KLK7: variants seen among roughly 807,000 people sequenced by gnomAD.
KLK7 encodes kallikrein related peptidase 7, also known as kallikrein-7.
In KLK7, 17 loss-of-function variants were observed where a neutral mutation model predicts 21.0. The ratio of observed to expected loss-of-function variants is 0.81; its 90% confidence interval spans 0.55 to 1.21. The LOEUF (loss-of-function observed/expected upper bound fraction) is 1.21, where lower values mean the gene tolerates loss of function less well. Among genes scored for constraint, KLK7 ranks in the 50% most tolerant of loss-of-function variants. KLK7 has a pLI of 0.00. For synonymous variants in KLK7, 151 were observed against 134.6 expected (o/e 1.12, Z -0.85); for missense variants, 330 against 322.8 (o/e 1.02, Z -0.17).
At chr19:50,983,932 C>T (rs1307224859), upstream of KLK7, 12 of 1,288,694 alleles carry the variant, frequency 9.3e-6, no homozygotes, top group Non-Finnish European at 1.2e-5. Context: ...CTCTGCTGGG[C>T]CGTCCTCTTA....
At position 50,981,924 on chromosome 19, in the gene KLK7, G is replaced by A. The variant is rs1361889501; in HGVS notation, c.74-10C>T. ...ATCTTGTCACCCTGGGCTGGATGGA[G>A]ACATGGAGGAGCACGTGGGTAGCTA... On this transcript the variant is annotated splice_polypyrimidine_tract_variant and intron_variant, in intron 2 of 5. Coordinates refer to ENST00000595820, the MANE Select transcript of KLK7 (RefSeq NM_005046.4). The A allele has an allele frequency of 6.2e-7, 1 of 1,612,330 alleles. No individual in the cohort carries two copies. Among genetic ancestry groups the A allele is most frequent in the East Asian group, 2.2e-5 (1 of 44,874 alleles).
At chr19:50,979,424 A>G (rs997725359) in intron 5 of KLK7, among the ~76,000 whole-genome samples, 10 of 152,202 alleles carry the variant, frequency 6.6e-5, no homozygotes, top group Non-Finnish European at 1.5e-4. Context: ...TCCATCATGG[A>G]CTTCTGCATG....
chr19:50,977,635 C>T lies in KLK7; in HGVS notation c.663G>A (p.Trp221Ter). The T allele has an allele frequency of 6.2e-7, 1 of 1,613,748 alleles. No homozygotes were observed. The highest frequency in any genetic ancestry group is 8.5e-7 in the Non-Finnish European group (1 of 1,179,990). The change falls in exon 6 of 6, where the codon TGG becomes TGA. Residue 221 changes from tryptophan (W) to a stop codon, truncating the protein, a stop_gained. Coordinates refer to ENST00000595820, the MANE Select transcript of KLK7 (RefSeq NM_005046.4). LOFTEE classifies it low-confidence loss of function (END_TRUNC). ...CRGTLQGLVS[W>*]GTFPCGQPND... ...TGGGTTGGCCGCAAGGGAAAGTTCC[C>T]CAGGACACCAGACCTTGCAGGGTAC...
At chr19:50,983,995 C>A, upstream of KLK7, 1 of 1,177,348 alleles carries the variant, frequency 8.5e-7, no homozygotes, top group Non-Finnish European at 1.1e-6. Context: ...CAGGCGGAGC[C>A]GACTCTGGGA....
At chr19:50,982,481 C>G (rs550281157) in intron 1 of KLK7, 24 bp from the exon 2 acceptor site, 1 of 1,531,806 alleles carries the variant, frequency 6.5e-7, no homozygotes, top group South Asian at 1.2e-5. Flanking sequence ...AGCATTCAGG[C>G]CCAGCCCCTC....
chr19:50,979,771 G>A lies in KLK7; in HGVS notation c.606+17C>T. ...GGGTACCCAGGACTGGGGAGGAATTGGGGGGGAGGGTCTCACATTGCAGGC... is the reference window on the plus strand; with the variant it reads ...GGGTACCCAGGACTGGGGAGGAATTAGGGGGGAGGGTCTCACATTGCAGGC... On this transcript the variant is annotated intron_variant, in intron 5 of 5. Coordinates refer to ENST00000595820, the MANE Select transcript of KLK7 (RefSeq NM_005046.4). 6.4e-7 allele frequency: 1 copy of A among 1,559,884 alleles called. No homozygotes were observed. Among genetic ancestry groups the A allele is most frequent in the Non-Finnish European group, 8.7e-7 (1 of 1,150,744 alleles).
chr19:50,980,213 C>T, intron 4 of KLK7, 27 bp downstream of exon 4: 1 of 1,608,482 alleles, frequency 6.2e-7, no homozygotes. Flanking sequence ...CTGGGGCCTG[C>T]ACTCCTGGGT....
chr19:50,980,586 G>T (rs543190871), intron 3 of KLK7, 99 bp from the exon 4 acceptor site: 2 of 1,436,868 alleles, frequency 1.4e-6, no homozygotes, highest in Admixed American at 1.8e-5. Flanking sequence ...CCAGAGAGAG[G>T]AGGGGGGACA....
chr19:50,982,197 C>T, intron 2 of KLK7, 130 bp downstream of exon 2: 2 of 1,241,070 alleles, frequency 1.6e-6, no homozygotes, highest in Middle Eastern at 2.4e-4. Context: ...AGAGCGGGGG[C>T]TTCAGCCGAC....
At chr19:50,979,657 A>T in intron 5 of KLK7, 131 bp downstream of exon 5, 2 of 843,498 alleles carry the variant, frequency 2.4e-6, no homozygotes, top group Non-Finnish European at 3.7e-6. Flanking sequence ...AGGTGGAAAA[A>T]GCTGAGGAGG....
In KLK7 at chr19:50,978,719, TGGG is replaced by T. The variant is rs548987149; in HGVS notation, c.607-1031_607-1029del. ...AAAGAGAGAGAAAGAAAGACAGAGATGGGGGAGCGGCAGGGAGAGGAGAGAGAT... is the reference window on the plus strand; with the variant it reads ...AAAGAGAGAGAAAGAAAGACAGAGATGGAGCGGCAGGGAGAGGAGAGAGAT... On this transcript the variant is annotated intron_variant, in intron 5 of 5. Coordinates refer to ENST00000595820, the MANE Select transcript of KLK7 (RefSeq NM_005046.4). 3.9e-3 allele frequency among the ~76,000 whole-genome samples: 406 copies of T among 103,480 alleles called. 2 individuals are homozygous for T. The highest frequency in any genetic ancestry group is 0.016 in the African/African-American group (395 of 25,116). 67.9% of individuals were successfully genotyped at this position (103,480 alleles called of 152,430 possible).
At chr19:50,977,908 C>A (rs1165357814) in intron 5 of KLK7, among the ~76,000 whole-genome samples, 7 of 152,138 alleles carry the variant, frequency 4.6e-5, no homozygotes, top group Admixed American at 1.3e-4. Context: ...GCCAATGAGA[C>A]CAATTGCAGA....
chr19:50,983,959 A>T, upstream of KLK7: 2 of 1,282,938 alleles, frequency 1.6e-6, no homozygotes, highest in Non-Finnish European at 2.0e-6. Context: ...CCCCCGCCCC[A>T]TGCCCGGCCC....
Position 50,980,295 on chromosome 19 carries a change from T to G in KLK7, c.414A>C (p.Glu138Asp), listed in dbSNP as rs758000982. The G allele has an allele frequency of 1.2e-6, 2 of 1,613,716 alleles. No individual in the cohort carries two copies. Among genetic ancestry groups the G allele is most frequent in the Non-Finnish European group, 1.7e-6 (2 of 1,179,888 alleles). Reference protein sequence around the residue: ...VKKVRLPSRCEPPGTTCTVSG... With the variant: ...VKKVRLPSRCDPPGTTCTVSG... ...AGACAGTACAGGTGGTTCCAGGGGG[T>G]TCGCAGCGGGAGGGCAGCCTGACTT... Residue 138 changes from glutamate to aspartate, a missense_variant, in exon 4 of 6, where the codon GAA (glutamate) becomes GAC (aspartate). Physicochemically the swap from Glu to Asp is conservative, Grantham distance 45. Coordinates refer to ENST00000595820, the MANE Select transcript of KLK7 (RefSeq NM_005046.4).
rs1030960334 is a variant in KLK7 at position 50,976,635 on chromosome 19, G to T, written c.*901C>A. The T allele has an allele frequency of 2.6e-5, 4 of 152,040 alleles. No homozygotes were observed. Among genetic ancestry groups the T allele is most frequent in the African/African-American group, 9.7e-5 (4 of 41,356 alleles). 9.4% of individuals were successfully genotyped at this position (152,040 alleles called of 1,614,324 possible). A position where few individuals can be genotyped will look rare whatever the true frequency, so the allele number is the denominator to read the frequency against. ...TGAATATTTCATTTTTTATGGGTAG[G>T]GTCACATACATATATATTTTTGTCC... is the stretch of plus-strand genomic sequence containing the variant. On this transcript the variant is annotated 3_prime_UTR_variant, in exon 6 of 6. Transcript: ENST00000595820.
rs111212212 is a variant in KLK7 at position 50,981,064 on chromosome 19, G to A, written c.222-577C>T. Among the ~76,000 whole-genome samples the A allele has an allele frequency of 2.2e-3, 320 of 146,898 alleles. 1 individual carries two copies. The highest frequency in any genetic ancestry group is 7.7e-3 in the African/African-American group (296 of 38,588). ...GGGGGAACAGAGACCAGAGAGAGAGGGGAACAGAGACCCAGAGAGAGAGGG... is the reference window on the plus strand; with the variant it reads ...GGGGGAACAGAGACCAGAGAGAGAGAGGAACAGAGACCCAGAGAGAGAGGG... On this transcript the variant is annotated intron_variant, in intron 3 of 5. Coordinates refer to ENST00000595820, the MANE Select transcript of KLK7 (RefSeq NM_005046.4).
intron 3 of KLK7, among the ~76,000 whole-genome samples, chr19:50,980,932 A>AC (rs1298053978): frequency 3.0e-5 from 4 of 132,542 alleles, no homozygotes; most frequent in African/African-American, 9.3e-5. Context: ...GGGAACAGAG[A>AC]CCAGAGAGAG....
intron 3 of KLK7, among the ~76,000 whole-genome samples, chr19:50,980,969 A>AGG (rs1343726208): frequency 1.7e-5 from 2 of 118,696 alleles, no homozygotes; most frequent in East Asian, 3.2e-4. Flanking sequence ...AGAGAGAGGA[A>AGG]GACAGAGAGC....
At chr19:50,982,161 G>C (rs1785446628) in intron 2 of KLK7, 166 bp downstream of exon 2, 1 of 966,422 alleles carries the variant, frequency 1.0e-6, no homozygotes, top group Non-Finnish European at 1.5e-6. Flanking sequence ...AGGGGACAGA[G>C]ACCCCCTGAG....
Sources: gnomAD v4.1 joint callset for allele counts (sites outside exome capture counted in the v4.1 genomes callset) on GRCh38, gnomAD v4.1.1 for gene constraint, MANE v1.5 for transcripts, NCBI Gene and HGNC (gene_info 2026-07-23, HGNC 2026-07-21) for gene names.